Variants in XNDC1N observed in about 807,000 individuals in gnomAD.
XNDC1N encodes the protein XRCC1 N-terminal domain containing 1, N-terminal like.
the XNDC1N span, chr11:71,865,659 AT>A: frequency 5.3e-6 from 1 of 187,906 alleles, no homozygotes; most frequent in Non-Finnish European, 1.1e-5. Context: ...GATACTCTCG[AT>A]TTTACCATAC....
chr11:71,875,889 G>T, the XNDC1N span, among the ~76,000 whole-genome samples: 2 of 152,094 alleles, frequency 1.3e-5, no homozygotes, highest in African/African-American at 2.4e-5. Flanking sequence ...AGTTGGGTGT[G>T]GTGGCACACA....
At chr11:71,928,280 AGGC>A in the XNDC1N span, 2 of 593,428 alleles carry the variant, frequency 3.4e-6, no homozygotes, top group Non-Finnish European at 6.0e-6. Flanking sequence ...CATCGGGAAC[AGGC>A]TGCTCAGTTC....
chr11:71,871,783 G>A, the XNDC1N span, among the ~76,000 whole-genome samples: 6 of 152,162 alleles, frequency 3.9e-5, no homozygotes, highest in Non-Finnish European at 7.4e-5. Flanking sequence ...TTAGTCATTA[G>A]TGAAATGCAA....
the XNDC1N span, among the ~76,000 whole-genome samples, chr11:71,908,908 A>G: frequency 6.6e-6 from 1 of 152,216 alleles, no homozygotes; most frequent in African/African-American, 2.4e-5. Flanking sequence ...GAAAGAGGGG[A>G]TATGCAAAGG....
the XNDC1N span, among the ~76,000 whole-genome samples, chr11:71,898,829 TGAAACTGTAAACTGAAAAAGCATG>T: frequency 1.3e-5 from 2 of 152,136 alleles, no homozygotes; most frequent in Non-Finnish European, 2.9e-5. Context: ...CTTAATGTCA[TGAAACTGTAAACTGAAAAAGCATG>T]GAAACTGTAA....
the XNDC1N span, chr11:71,893,562 C>T: frequency 2.1e-6 from 2 of 948,130 alleles, no homozygotes; most frequent in Non-Finnish European, 1.7e-6. Context: ...TGTCCCTGTC[C>T]CTGTCCATGC....
At chr11:71,922,385 C>T in the XNDC1N span, among the ~76,000 whole-genome samples, 1 of 152,162 alleles carries the variant, frequency 6.6e-6, no homozygotes, top group Admixed American at 6.5e-5. Flanking sequence ...TCACTGTTAG[C>T]CTCAACCTCC....
the XNDC1N span, among the ~76,000 whole-genome samples, chr11:71,918,213 G>A: frequency 2.0e-5 from 3 of 152,082 alleles, no homozygotes; most frequent in East Asian, 1.9e-4. Context: ...GATTATCCTC[G>A]CACAGTTCAT....
At chr11:71,868,743 G>A in the XNDC1N span, among the ~76,000 whole-genome samples, 1 of 152,096 alleles carries the variant, frequency 6.6e-6, no homozygotes, top group Non-Finnish European at 1.5e-5. Flanking sequence ...TGGAGAATCT[G>A]ATGACATATG....
the XNDC1N span, chr11:71,914,435 C>G: frequency 2.2e-6 from 1 of 453,770 alleles, no homozygotes; most frequent in Non-Finnish European, 4.4e-6. Context: ...GCCTGTAATC[C>G]CAGAACTTTG....
chr11:71,913,120 G>C, the XNDC1N span, among the ~76,000 whole-genome samples: 1 of 152,104 alleles, frequency 6.6e-6, no homozygotes, highest in Non-Finnish European at 1.5e-5. Flanking sequence ...GCGATATTGA[G>C]AGTCATATCA....
At chr11:71,916,307 G>C in the XNDC1N span, 1 of 695,106 alleles carries the variant, frequency 1.4e-6, no homozygotes, top group Non-Finnish European at 2.6e-6. Context: ...ATAAATGGGA[G>C]AGACAGAGGA....
the XNDC1N span, chr11:71,917,642 C>G: frequency 2.8e-6 from 2 of 703,324 alleles, no homozygotes; most frequent in Non-Finnish European, 5.2e-6. Flanking sequence ...ATGCGGACCC[C>G]GGAGCGGTTC....
the XNDC1N span, among the ~76,000 whole-genome samples, chr11:71,866,179 A>AGC: frequency 6.7e-6 from 1 of 149,002 alleles, no homozygotes; most frequent in African/African-American, 2.5e-5. Context: ...GCTTGTTGTT[A>AGC]TAAATACCTG....
the XNDC1N span, among the ~76,000 whole-genome samples, chr11:71,909,021 A>C: frequency 2.0e-5 from 3 of 152,184 alleles, no homozygotes; most frequent in African/African-American, 7.2e-5. Flanking sequence ...TAAAGAAGAA[A>C]GTCCAGCACA....
the XNDC1N span, among the ~76,000 whole-genome samples, chr11:71,926,472 T>C: frequency 7.2e-5 from 11 of 152,336 alleles, no homozygotes; most frequent in African/African-American, 2.4e-4. Context: ...ATTTTTGTCA[T>C]GTTCATGATC....
the XNDC1N span, among the ~76,000 whole-genome samples, chr11:71,910,218 C>T: frequency 2.6e-5 from 4 of 152,308 alleles, no homozygotes; most frequent in East Asian, 3.9e-4. Context: ...TCAGGATTTG[C>T]GCTTGCTTCA....
the XNDC1N span, chr11:71,893,694 G>A: frequency 3.4e-5 from 45 of 1,330,908 alleles, 1 homozygote; most frequent in Middle Eastern, 4.7e-4. Context: ...GTTTCACCTC[G>A]GCCACGGTTC....
chr11:71,911,985 G>C, the XNDC1N span, among the ~76,000 whole-genome samples: 4 of 152,180 alleles, frequency 2.6e-5, no homozygotes, highest in Non-Finnish European at 5.9e-5. Flanking sequence ...GGATGGATTC[G>C]GTTAGCAGAT....
Sources: gnomAD v4.1 joint callset for allele counts (sites outside exome capture counted in the v4.1 genomes callset) on GRCh38, gnomAD v4.1.1 for gene constraint, MANE v1.5 for transcripts, NCBI Gene and HGNC (gene_info 2026-07-23, HGNC 2026-07-21) for gene names.